KLHL8: variants seen among roughly 807,000 people sequenced by gnomAD.
KLHL8 encodes kelch like family member 8.
In KLHL8, 38 loss-of-function variants were observed where a neutral mutation model predicts 63.5. That is an observed-to-expected ratio of 0.60 (90% CI 0.46 to 0.78). The LOEUF is 0.78. KLHL8 is among the 30% of genes least tolerant of loss of function. KLHL8 has a pLI of 0.00. For missense variants in KLHL8, 566 were observed against 752.4 expected (o/e 0.75, Z 2.90); for synonymous variants, 224 against 254.3 (o/e 0.88, Z 1.13).
At chr4:87,180,100 C>T (rs1730992435) in intron 4 of KLHL8, among the ~76,000 whole-genome samples, 1 of 152,208 alleles carries the variant, frequency 6.6e-6, no homozygotes, top group Admixed American at 6.5e-5. Flanking sequence ...AACCCAATCT[C>T]CTCCCCTCTT....
intron 1 of KLHL8, among the ~76,000 whole-genome samples, chr4:87,209,397 CT>C (rs997345285): frequency 2.7e-5 from 4 of 150,714 alleles, no homozygotes; most frequent in Non-Finnish European, 4.4e-5. Flanking sequence ...AAGCTGATTC[CT>C]TTTTTTTTGC....
intron 1 of KLHL8, among the ~76,000 whole-genome samples, chr4:87,199,421 G>GA (rs1157540497): frequency 6.6e-6 from 1 of 152,022 alleles, no homozygotes; most frequent in East Asian, 1.9e-4. Context: ...AACACGTGGG[G>GA]AAAAGGATTC....
intron 1 of KLHL8, among the ~76,000 whole-genome samples, chr4:87,201,507 G>A (rs1196896562): frequency 6.6e-6 from 1 of 152,090 alleles, no homozygotes; most frequent in African/African-American, 2.4e-5. Flanking sequence ...TGACATAAAA[G>A]AACAGAACAC....
chr4:87,170,286 A>T (rs1448258940), intron 7 of KLHL8, 48 bp from the exon 8 acceptor site: 1 of 1,557,450 alleles, frequency 6.4e-7, no homozygotes, highest in Non-Finnish European at 8.7e-7. Context: ...GAATTTATTT[A>T]TATATTGTTT....
At chr4:87,175,278 G>A (rs192762186) in intron 6 of KLHL8, among the ~76,000 whole-genome samples, 1 of 152,164 alleles carries the variant, frequency 6.6e-6, no homozygotes, top group Non-Finnish European at 1.5e-5. Context: ...GATACGGAGA[G>A]ATCAGTGTCA....
At chr4:87,196,154 T>G (rs115013479) in intron 1 of KLHL8, among the ~76,000 whole-genome samples, 5,634 of 57,746 alleles carry the variant, frequency 0.098, 135 homozygotes, top group African/African-American at 0.15. Flanking sequence ...TAACTGGGAG[T>G]TTTTTTTTTT....
In KLHL8 at chr4:87,170,635, T is replaced by C; in HGVS notation, c.1209-20A>G. On this transcript the variant is annotated intron_variant, in intron 6 of 9. Transcript: ENST00000273963. ...CCTCGCCTGCAAAGACAATAAAACA[T>C]ACTTTAGCAAATGAGTTTGTTTCCA... The C allele has an allele frequency of 6.3e-7, 1 of 1,584,518 alleles. No homozygotes were observed. The highest frequency in any genetic ancestry group is 8.5e-7 in the Non-Finnish European group (1 of 1,170,404).
chr4:87,235,755 A>G (rs1733214350), intron 1 of KLHL8, among the ~76,000 whole-genome samples: 1 of 152,200 alleles, frequency 6.6e-6, no homozygotes, highest in Admixed American at 6.5e-5. Flanking sequence ...AAAATGCAGA[A>G]TATCTCTCAA....
At chr4:87,221,297 A>T (rs1732834896), upstream of KLHL8, 1 of 148,714 alleles carries the variant, frequency 6.7e-6, no homozygotes, top group African/African-American at 2.5e-5. Flanking sequence ...CGCAAGGCTG[A>T]GGCAGGAGAA....
chr4:87,209,848 G>GTTTTT (rs35717106), intron 1 of KLHL8, among the ~76,000 whole-genome samples: 23 of 105,412 alleles, frequency 2.2e-4, no homozygotes, highest in African/African-American at 6.2e-4. Context: ...TCCGTTTTGG[G>GTTTTT]TTTTTTTTTT....
chr4:87,200,126 G>A (rs974319403), intron 1 of KLHL8, among the ~76,000 whole-genome samples: 1 of 123,846 alleles, frequency 8.1e-6, no homozygotes, highest in African/African-American at 3.1e-5. Context: ...GGGTGACCGA[G>A]TGAGACTGCC....
At chr4:87,183,840 T>C (rs1731146787) in intron 3 of KLHL8, among the ~76,000 whole-genome samples, 1 of 152,160 alleles carries the variant, frequency 6.6e-6, no homozygotes, top group Non-Finnish European at 1.5e-5. Flanking sequence ...ATTTCTTACT[T>C]AAAAATGTAA....
chr4:87,239,949 A>T (rs1257091385), intron 1 of KLHL8, among the ~76,000 whole-genome samples: 1 of 152,278 alleles, frequency 6.6e-6, no homozygotes, highest in Non-Finnish European at 1.5e-5. Flanking sequence ...TTGAGTTTCT[A>T]TGATCTTAAC....
chr4:87,196,327 C>T (rs1731701267), intron 1 of KLHL8, among the ~76,000 whole-genome samples: 3 of 152,070 alleles, frequency 2.0e-5, no homozygotes, highest in Admixed American at 6.5e-5. Context: ...TAGAGATATA[C>T]AGTAAAACAC....
intron 1 of KLHL8, among the ~76,000 whole-genome samples, chr4:87,198,879 A>C (rs1731804021): frequency 6.6e-6 from 1 of 152,254 alleles, no homozygotes; most frequent in Admixed American, 6.5e-5. Flanking sequence ...GAAGCAGCCT[A>C]AATGTCCTTA....
intron 2 of KLHL8, among the ~76,000 whole-genome samples, chr4:87,189,891 G>A (rs977420466): frequency 6.6e-6 from 1 of 151,526 alleles, no homozygotes; most frequent in Non-Finnish European, 1.5e-5. Context: ...AAAATTAGCC[G>A]GGCATGGTGG....
At chr4:87,196,985 A>C (rs559637093) in intron 1 of KLHL8, among the ~76,000 whole-genome samples, 1 of 152,366 alleles carries the variant, frequency 6.6e-6, no homozygotes, top group African/African-American at 2.4e-5. Flanking sequence ...TAGTTTCAGA[A>C]AACTCTAAAT....
chr4:87,201,933 CA>C (rs1047599491), intron 1 of KLHL8, among the ~76,000 whole-genome samples: 5 of 151,008 alleles, frequency 3.3e-5, no homozygotes, highest in Non-Finnish European at 3.0e-5. Context: ...GTGCTTACAT[CA>C]AAAAAAAGTA....
chr4:87,176,771 TG>T lies in KLHL8; in HGVS notation c.1193del (p.Ser398Ter). The T allele has an allele frequency of 6.4e-7, 1 of 1,567,158 alleles. No individual in the cohort carries two copies. The highest frequency in any genetic ancestry group is 2.3e-5 in the East Asian group (1 of 44,224). ...TGCTGATCTACCTCTTTGTGTTCAT[TG>T]ATGCCTTCATCATCCATTTATTAGT... ...PLTNKWMMKA[S>X]MNTKRRGIAL... On this transcript the variant is annotated frameshift_variant, in exon 6 of 10. Transcript: ENST00000273963. LOFTEE classifies it high-confidence loss of function.
Sources: allele counts gnomAD v4.1 joint callset (sites outside exome capture counted in the v4.1 genomes callset), GRCh38; gene constraint gnomAD v4.1.1; transcripts MANE v1.5; gene names NCBI Gene and HGNC (gene_info 2026-07-23, HGNC 2026-07-21).